PIK3R3: variants seen among roughly 807,000 people sequenced by gnomAD.
PIK3R3 encodes the protein phosphoinositide-3-kinase regulatory subunit 3, also known as phosphatidylinositol 3-kinase regulatory subunit gamma.
A neutral mutation model predicts 62.9 loss-of-function variants in PIK3R3; 64 were observed. The observed-to-expected ratio is 1.02, with a 90% CI of 0.83 to 1.25. The LOEUF is 1.25. PIK3R3 is among the 50% of genes most tolerant of loss of function. The probability of loss-of-function intolerance (pLI) is 0.00; values close to 1 mark genes in which losing one functional copy is unlikely to be tolerated. For synonymous variants in PIK3R3, 165 were observed against 189.0 expected, an observed-to-expected ratio of 0.87 and a Z score of 1.04; for missense variants, 614 against 561.6, an observed-to-expected ratio of 1.09 and a Z score of -0.94.
upstream of PIK3R3, among the ~76,000 whole-genome samples, chr1:46,137,881 T>C (rs980289057): frequency 2.0e-5 from 3 of 152,204 alleles, no homozygotes; most frequent in Non-Finnish European, 4.4e-5. Context: ...ATCCTTTCTG[T>C]AGGTATTCAG....
At chr1:46,058,521 AG>A (rs1351419725) in intron 6 of PIK3R3, among the ~76,000 whole-genome samples, 2 of 152,242 alleles carry the variant, frequency 1.3e-5, no homozygotes, top group African/African-American at 4.8e-5. Context: ...GCAAAGCCAC[AG>A]GGGCGGAGCT....
intron 1 of PIK3R3, among the ~76,000 whole-genome samples, chr1:46,101,715 A>G (rs1268517790): frequency 6.6e-6 from 1 of 152,248 alleles, no homozygotes; most frequent in Non-Finnish European, 1.5e-5. Context: ...GATTCAATTT[A>G]CATGAAATAT....
intron 1 of PIK3R3, among the ~76,000 whole-genome samples, chr1:46,128,807 G>A (rs1463418064): frequency 6.6e-6 from 1 of 152,120 alleles, no homozygotes; most frequent in African/African-American, 2.4e-5. Context: ...TAGGCCAGGC[G>A]CGGGGTCTCA....
intron 1 of PIK3R3, among the ~76,000 whole-genome samples, chr1:46,128,974 G>A (rs1300034700): frequency 6.6e-6 from 1 of 152,104 alleles, no homozygotes; most frequent in Non-Finnish European, 1.5e-5. Context: ...GGGAGGCTGA[G>A]GCAGGAGAAT....
chr1:46,152,800 T>A, the PIK3R3 span, among the ~76,000 whole-genome samples: 1 of 152,124 alleles, frequency 6.6e-6, no homozygotes, highest in African/African-American at 2.4e-5. Flanking sequence ...CCTGACCTCG[T>A]GATCTGCCCT....
rs1649049483 is a variant in PIK3R3, at chr1:46,066,953, T to G, written c.453A>C (p.Lys151Asn). ...HHESLAQYNPKLDVKLMYPVS... is the reference protein window; with the variant it reads ...HHESLAQYNPNLDVKLMYPVS... ...CTGGGTACATCAGCTTCACATCAAG[T>G]TTGGGATTGTACTGAGCAAGAGATT... Residue 151 changes from lysine to asparagine, a missense_variant, in exon 4 of 10, where the codon AAA (lysine) becomes AAC (asparagine). Physicochemically the swap from Lys to Asn is moderately conservative, Grantham distance 94. Coordinates refer to ENST00000262741, the MANE Select transcript of PIK3R3 (RefSeq NM_003629.4). 6.2e-7 allele frequency: 1 copy of G among 1,613,792 alleles called. No homozygotes were observed. Among genetic ancestry groups the G allele is most frequent in the Non-Finnish European group, 8.5e-7 (1 of 1,179,834 alleles).
chr1:46,144,766 CAAAA>C, the PIK3R3 span, among the ~76,000 whole-genome samples: 1 of 105,056 alleles, frequency 9.5e-6, no homozygotes. Context: ...GACTCCATCT[CAAAA>C]AAAAAAAAAA....
Position 46,046,076 on chromosome 1 carries a change from G to A in PIK3R3, c.1029C>T (p.Ile343=). The A allele has an allele frequency of 6.3e-7, 1 of 1,586,374 alleles. No homozygotes were observed. The highest frequency in any genetic ancestry group is 8.6e-7 in the Non-Finnish European group (1 of 1,160,214). The stretch of plus-strand genomic sequence containing the variant: ...GGGGCAGGTTTTCATCTTCCTCATT[G>A]ATAAAATAGTTCCTAAAAATTAAAT... ...KNEDADENYF[I]NEEDENLPHY... The change falls in exon 9 of 10, where the codon ATC becomes ATT. Residue 343 remains isoleucine (I), a synonymous_variant. Coordinates refer to ENST00000262741, the MANE Select transcript of PIK3R3 (RefSeq NM_003629.4).
At chr1:46,079,136 G>T (rs1650348645) in intron 2 of PIK3R3, among the ~76,000 whole-genome samples, 1 of 152,116 alleles carries the variant, frequency 6.6e-6, no homozygotes, top group Admixed American at 6.6e-5. Context: ...CATTTTGGTA[G>T]AGGAAGAGAA....
At chr1:46,166,254 C>T in the PIK3R3 span, among the ~76,000 whole-genome samples, 399 of 151,184 alleles carry the variant, frequency 2.6e-3, 1 homozygote, top group Middle Eastern at 6.8e-3. Context: ...GACAGAGTCT[C>T]GCTCTGTCGC....
the PIK3R3 span, among the ~76,000 whole-genome samples, chr1:46,153,453 G>A: frequency 6.6e-6 from 1 of 152,158 alleles, no homozygotes; most frequent in Non-Finnish European, 1.5e-5. Flanking sequence ...CTCCAATAGT[G>A]ACCACAAGCA....
chr1:46,161,632 G>A, the PIK3R3 span, among the ~76,000 whole-genome samples: 5 of 152,108 alleles, frequency 3.3e-5, no homozygotes, highest in Non-Finnish European at 5.9e-5. Flanking sequence ...CTACTTGGGA[G>A]GCTGAGCCAG....
chr1:46,153,556 GGT>G, the PIK3R3 span, among the ~76,000 whole-genome samples: 1 of 152,184 alleles, frequency 6.6e-6, no homozygotes, highest in Non-Finnish European at 1.5e-5. Context: ...CCTTAAGGCT[GGT>G]GTGACTTGTA....
At chr1:46,114,087 C>T (rs985790487) in intron 1 of PIK3R3, among the ~76,000 whole-genome samples, 3 of 152,160 alleles carry the variant, frequency 2.0e-5, no homozygotes, top group South Asian at 2.1e-4. Context: ...TAAACAGCAA[C>T]GTATAGTAAC....
At chr1:46,070,939 T>C (rs1266460869) in intron 3 of PIK3R3, among the ~76,000 whole-genome samples, 2 of 152,166 alleles carry the variant, frequency 1.3e-5, no homozygotes, top group Non-Finnish European at 2.9e-5. Context: ...ACAAATACTA[T>C]TTACCAATTT....
intron 2 of PIK3R3, among the ~76,000 whole-genome samples, chr1:46,080,047 A>G (rs1441290578): frequency 2.0e-5 from 3 of 151,410 alleles, no homozygotes; most frequent in African/African-American, 7.3e-5. Context: ...AAATTTTTTA[A>G]GTGAGCTTTT....
chr1:46,167,726 A>G, the PIK3R3 span, among the ~76,000 whole-genome samples: 1 of 152,166 alleles, frequency 6.6e-6, no homozygotes, highest in Non-Finnish European at 1.5e-5. Context: ...GGCCCTGGCT[A>G]TACTGCTGCC....
the PIK3R3 span, among the ~76,000 whole-genome samples, chr1:46,144,186 A>T: frequency 6.6e-6 from 1 of 152,200 alleles, no homozygotes. Context: ...TGGAGGTATT[A>T]TGGCCATGTT....
intron 1 of PIK3R3, among the ~76,000 whole-genome samples, chr1:46,116,567 CAGG>C (rs1654206079): frequency 6.6e-6 from 1 of 151,192 alleles, no homozygotes; most frequent in Non-Finnish European, 1.5e-5. Context: ...GAGGCTGAGG[CAGG>C]AGAATTGCTT....
Sources: gnomAD v4.1 joint callset for allele counts (sites outside exome capture counted in the v4.1 genomes callset) on GRCh38, gnomAD v4.1.1 for gene constraint, MANE v1.5 for transcripts, NCBI Gene and HGNC (gene_info 2026-07-23, HGNC 2026-07-21) for gene names.